Variants in ACER3 observed in about 807,000 individuals in gnomAD.
ACER3 encodes alkCDase 3.
ACER3 carries 16 observed loss-of-function variants against 48.9 expected under a neutral mutation model. The ratio of observed to expected loss-of-function variants is 0.33; its 90% CI spans 0.22 to 0.50. The LOEUF is 0.50. Ranked by LOEUF, ACER3 falls within the 20% of genes least tolerant of loss-of-function variation. ACER3 has a pLI of 0.98. For synonymous variants in ACER3, 109 were observed against 107.8 expected, an observed-to-expected ratio of 1.01 and a Z score of -0.07; for missense variants, 227 against 326.0, an observed-to-expected ratio of 0.70 and a Z score of 2.34.
chr11:76,886,051 T>C (rs1945663660), intron 1 of ACER3, among the ~76,000 whole-genome samples: 2 of 152,232 alleles, frequency 1.3e-5, no homozygotes, highest in Non-Finnish European at 1.5e-5. Flanking sequence ...CTAATTGTGA[T>C]AAATGCTGTA....
Position 76,990,585 on chromosome 11 carries a change from G to A in ACER3, c.438+11G>A, listed in dbSNP as rs367720995. On this transcript the variant is annotated intron_variant, in intron 6 of 10. Coordinates refer to ENST00000532485, the MANE Select transcript of ACER3 (RefSeq NM_018367.7). ...CCGATATTCCATCAGGTAATTTTTTGTAAATTATTACACATTAGATTGTTT... is the reference window on the plus strand; with the variant it reads ...CCGATATTCCATCAGGTAATTTTTTATAAATTATTACACATTAGATTGTTT... The A allele has an allele frequency of 4.2e-6, 6 of 1,426,126 alleles. No individual in the cohort carries two copies. In the African/African-American group the frequency reaches 6.9e-5, roughly 16 times the overall value. 88.3% of individuals were successfully genotyped at this position (1,426,126 alleles called of 1,614,324 possible). A position where few individuals can be genotyped will look rare whatever the true frequency, so the allele number is the denominator to read the frequency against.
intron 2 of ACER3, among the ~76,000 whole-genome samples, chr11:76,935,775 A>G (rs996809466): frequency 2.0e-5 from 3 of 152,190 alleles, no homozygotes; most frequent in African/African-American, 7.2e-5. Context: ...ATATGTTGCA[A>G]TTTAAATTAA....
intron 3 of ACER3, among the ~76,000 whole-genome samples, chr11:76,976,047 T>A (rs1414211054): frequency 1.3e-5 from 2 of 152,008 alleles, no homozygotes; most frequent in Non-Finnish European, 2.9e-5. Context: ...CATGCCCTGC[T>A]GATTTTTTTT....
At chr11:76,953,534 G>T (rs575588181) in intron 2 of ACER3, among the ~76,000 whole-genome samples, 1 of 152,228 alleles carries the variant, frequency 6.6e-6, no homozygotes, top group Non-Finnish European at 1.5e-5. Flanking sequence ...GGAGGCGGAG[G>T]TTGCAGTGAG....
chr11:76,909,595 G>A lies in ACER3; in HGVS notation c.104-16962G>A, dbSNP rs192049796. Among the ~76,000 whole-genome samples the A allele has an allele frequency of 7.6e-3, 1,150 of 152,264 alleles. 7 individuals carry two copies. The highest frequency in any genetic ancestry group is 0.026 in the African/African-American group (1,083 of 41,544). Reference sequence around the variant, plus strand: ...ATACCATCTCACGCCAGTTAGAATGGCAATCATTAAAAAGTCAGGAAACAA... The same window carrying A: ...ATACCATCTCACGCCAGTTAGAATGACAATCATTAAAAAGTCAGGAAACAA... On this transcript the variant is annotated intron_variant, in intron 1 of 10. Transcript: ENST00000532485.
At chr11:76,898,272 G>A (rs976540216) in intron 1 of ACER3, among the ~76,000 whole-genome samples, 1 of 152,172 alleles carries the variant, frequency 6.6e-6, no homozygotes, top group Admixed American at 6.5e-5. Flanking sequence ...ATCAACCACC[G>A]TTTGAGAACT....
At chr11:76,896,657 T>C (rs889288857) in intron 1 of ACER3, among the ~76,000 whole-genome samples, 7 of 152,200 alleles carry the variant, frequency 4.6e-5, no homozygotes, top group Non-Finnish European at 8.8e-5. Context: ...GAATAGAAGA[T>C]TGGCTTGATC....
intron 1 of ACER3, among the ~76,000 whole-genome samples, chr11:76,899,475 A>G (rs1388862375): frequency 6.6e-6 from 1 of 152,164 alleles, no homozygotes; most frequent in Non-Finnish European, 1.5e-5. Context: ...TCTTAGTCAA[A>G]TATATGCCTT....
intron 3 of ACER3, among the ~76,000 whole-genome samples, chr11:76,970,315 G>T (rs1452732184): frequency 6.6e-6 from 1 of 152,178 alleles, no homozygotes; most frequent in Non-Finnish European, 1.5e-5. Context: ...CTAATAGGCT[G>T]CAGTGACAAG....
chr11:76,910,875 T>C (rs1238057608), intron 1 of ACER3, among the ~76,000 whole-genome samples: 1 of 152,224 alleles, frequency 6.6e-6, no homozygotes, highest in African/African-American at 2.4e-5. Flanking sequence ...AAGTGATTAT[T>C]ATATGATAGA....
At chr11:76,864,217 G>A (rs1945015156) in intron 1 of ACER3, among the ~76,000 whole-genome samples, 1 of 152,178 alleles carries the variant, frequency 6.6e-6, no homozygotes, top group African/African-American at 2.4e-5. Flanking sequence ...AAGACCAGAG[G>A]AAAAGGTCTC....
At chr11:76,896,457 G>A (rs978130523) in intron 1 of ACER3, among the ~76,000 whole-genome samples, 3 of 151,618 alleles carry the variant, frequency 2.0e-5, no homozygotes, top group Non-Finnish European at 2.9e-5. Flanking sequence ...TTAGGAGTTC[G>A]AGACCAGCCT....
intron 5 of ACER3, among the ~76,000 whole-genome samples, chr11:76,988,349 A>G (rs1948727994): frequency 6.6e-6 from 1 of 152,230 alleles, no homozygotes; most frequent in Non-Finnish European, 1.5e-5. Flanking sequence ...GCTGCTATAA[A>G]GAAATACCCA....
At chr11:76,868,483 T>G (rs1463260172) in intron 1 of ACER3, among the ~76,000 whole-genome samples, 1 of 151,758 alleles carries the variant, frequency 6.6e-6, no homozygotes, top group African/African-American at 2.4e-5. Context: ...TTAGAGTCTT[T>G]TATTATAATG....
chr11:76,977,249 T>A (rs1423481920), intron 4 of ACER3, among the ~76,000 whole-genome samples: 1 of 152,190 alleles, frequency 6.6e-6, no homozygotes, highest in Admixed American at 6.5e-5. Context: ...TGGAAATATA[T>A]CATGATGGAG....
At position 76,860,981 on chromosome 11, in the gene ACER3, C is replaced by T; in HGVS notation, c.5C>T (p.Ala2Val). 6.5e-7 allele frequency: 1 copy of T among 1,535,588 alleles called. No homozygotes were observed. Among genetic ancestry groups the T allele is most frequent in the Non-Finnish European group, 8.8e-7 (1 of 1,141,626 alleles). The change falls in exon 1 of 11, where the codon GCT (alanine) becomes GTT (valine). Residue 2 changes from alanine to valine, a missense_variant. Ala to Val is a moderately conservative substitution (Grantham distance 64). This residue lies in a region of ACER3 where 27 missense variants were observed against 18.1 expected (regional missense o/e 1.49). Coordinates refer to ENST00000532485, the MANE Select transcript of ACER3 (RefSeq NM_018367.7). The part of the protein sequence containing the change: M[A>V]PAADREGYWG... ...GGCGGCGGCGGCGGCGGCGTGATGG[C>T]TCCGGCCGCGGACCGAGAGGGCTAC...
chr11:76,876,840 A>G (rs1011950145), intron 1 of ACER3, among the ~76,000 whole-genome samples: 7 of 152,182 alleles, frequency 4.6e-5, no homozygotes, highest in African/African-American at 1.4e-4. Flanking sequence ...AGCTATTTAC[A>G]TATACATTAA....
chr11:76,920,352 G>T (rs1946653476), intron 1 of ACER3, among the ~76,000 whole-genome samples: 1 of 152,174 alleles, frequency 6.6e-6, no homozygotes, highest in African/African-American at 2.4e-5. Flanking sequence ...CTGAACAGTA[G>T]ATTTCAGCAA....
Position 76,926,599 on chromosome 11 carries a change from T to C in ACER3, c.146T>C (p.Phe49Ser). The stretch of plus-strand genomic sequence containing the variant: ...CTGATCATGATTATACCTCCAATGT[T>C]CGGTGCAGTTCAGAGTGTTAGAGAC... ...SNLIMIIPPM[F>S]GAVQSVRDGL... Residue 49 changes from phenylalanine to serine, a missense_variant, in exon 2 of 11, where the codon TTC becomes TCC. Phe to Ser is a radical substitution (Grantham distance 155, BLOSUM62 -2). This residue lies in a region of ACER3 where 195 missense variants were observed against 290.8 expected (regional missense o/e 0.67). Transcript: ENST00000532485. The C allele has an allele frequency of 6.2e-7, 1 of 1,609,418 alleles. No individual in the cohort carries two copies. Among genetic ancestry groups the C allele is most frequent in the East Asian group, 2.2e-5 (1 of 44,796 alleles).
Sources: allele counts gnomAD v4.1 joint callset (sites outside exome capture counted in the v4.1 genomes callset), GRCh38; gene constraint gnomAD v4.1.1; regional missense constraint gnomAD v4.1.1; transcripts MANE v1.5; gene names NCBI Gene and HGNC (gene_info 2026-07-23, HGNC 2026-07-21).